Variants in KCNH5 observed in about 807,000 individuals in gnomAD.
KCNH5 encodes potassium voltage-gated channel subfamily H member 5, also known as voltage-gated delayed rectifier potassium channel KCNH5.
A neutral mutation model predicts 96.1 loss-of-function variants in KCNH5; 46 were observed. The observed-to-expected ratio is 0.48, with a 90% CI of 0.38 to 0.61. KCNH5 has a LOEUF of 0.61. Among genes scored for constraint, KCNH5 ranks in the 20% least tolerant of loss-of-function variants. The pLI, the probability that KCNH5 is intolerant of heterozygous loss-of-function variation, is 0.00. For missense variants in KCNH5, 907 were observed against 1,225.8 expected, an observed-to-expected ratio of 0.74 and a Z score of 3.88; for synonymous variants, 439 against 449.8, an observed-to-expected ratio of 0.98 and a Z score of 0.30.
At chr14:62,965,163 A>C (rs1469366831) in intron 6 of KCNH5, among the ~76,000 whole-genome samples, 1 of 152,144 alleles carries the variant, frequency 6.6e-6, no homozygotes, top group African/African-American at 2.4e-5. Flanking sequence ...AGAGAAGAAT[A>C]AATCCTTCTT....
intron 7 of KCNH5, among the ~76,000 whole-genome samples, chr14:62,865,333 TAA>T (rs35939292): frequency 0.17 from 22,118 of 131,920 alleles, 1,799 homozygotes; most frequent in East Asian, 0.28. Flanking sequence ...AAATGCTATT[TAA>T]AAAAAAAAAA....
chr14:62,893,064 T>G (rs919875570), intron 7 of KCNH5, among the ~76,000 whole-genome samples: 4 of 152,224 alleles, frequency 2.6e-5, no homozygotes, highest in Non-Finnish European at 5.9e-5. Context: ...CTATAGCTAG[T>G]GTAGACAGTG....
intron 7 of KCNH5, among the ~76,000 whole-genome samples, chr14:62,889,520 C>T (rs1322790436): frequency 6.6e-6 from 1 of 152,170 alleles, no homozygotes; most frequent in African/African-American, 2.4e-5. Context: ...ATGCAGTAGT[C>T]GAGAGAGCAG....
chr14:62,951,792 C>T (rs1890010569), intron 6 of KCNH5, among the ~76,000 whole-genome samples: 1 of 151,786 alleles, frequency 6.6e-6, no homozygotes, highest in Non-Finnish European at 1.5e-5. Context: ...AAAACCCTGT[C>T]TCTACTAAAA....
At chr14:62,979,987 G>C (rs182316494) in intron 6 of KCNH5, among the ~76,000 whole-genome samples, 1 of 152,182 alleles carries the variant, frequency 6.6e-6, no homozygotes, top group Non-Finnish European at 1.5e-5. Flanking sequence ...GAGGTGATTA[G>C]ATTATGGGGG....
chr14:62,961,828 AGAGATGGAGATG>A (rs1252149043), intron 6 of KCNH5, among the ~76,000 whole-genome samples: 10 of 143,830 alleles, frequency 7.0e-5, no homozygotes, highest in African/African-American at 2.7e-4. Flanking sequence ...AGATGCAGAT[AGAGATGGAGATG>A]GAGATGCAGA....
intron 4 of KCNH5, among the ~76,000 whole-genome samples, chr14:62,989,905 T>C (rs1890778333): frequency 6.6e-6 from 1 of 152,114 alleles, no homozygotes; most frequent in African/African-American, 2.4e-5. Context: ...ATATTAGTCA[T>C]AGGTATATTA....
At chr14:62,890,150 C>A (rs1234069668) in intron 7 of KCNH5, among the ~76,000 whole-genome samples, 13 of 152,086 alleles carry the variant, frequency 8.5e-5, no homozygotes, top group Admixed American at 7.2e-4. Context: ...CTAGGCAATA[C>A]CATCCTGGAC....
intron 7 of KCNH5, among the ~76,000 whole-genome samples, chr14:62,920,999 A>G (rs757600568): frequency 1.3e-5 from 2 of 152,160 alleles, no homozygotes; most frequent in Non-Finnish European, 2.9e-5. Context: ...AGGCAGCACA[A>G]TTAATTTGTC....
At chr14:62,933,548 A>G (rs1005673227) in intron 7 of KCNH5, among the ~76,000 whole-genome samples, 15 of 152,030 alleles carry the variant, frequency 9.9e-5, no homozygotes, top group African/African-American at 3.6e-4. Context: ...ATATAATTTT[A>G]TTTTCATCTT....
chr14:62,777,859 T>TTG (rs56291938), intron 10 of KCNH5, among the ~76,000 whole-genome samples: 5,373 of 147,166 alleles, frequency 0.037, 133 homozygotes, highest in Middle Eastern at 0.086. Context: ...GTATGTGTAT[T>TTG]TGTGTGTGTG....
At chr14:62,753,192 G>A (rs1885541424) in intron 10 of KCNH5, among the ~76,000 whole-genome samples, 1 of 152,074 alleles carries the variant, frequency 6.6e-6, no homozygotes, top group Admixed American at 6.6e-5. Flanking sequence ...TTCTGGTGTT[G>A]AAAAATGCAA....
chr14:63,033,641 A>G (rs1891669589), intron 1 of KCNH5, among the ~76,000 whole-genome samples: 1 of 152,164 alleles, frequency 6.6e-6, no homozygotes, highest in Non-Finnish European at 1.5e-5. Context: ...CTATTTGTTC[A>G]TTACTGTACA....
At chr14:62,729,623 C>T (rs1885008091) in intron 10 of KCNH5, among the ~76,000 whole-genome samples, 1 of 152,142 alleles carries the variant, frequency 6.6e-6, no homozygotes, top group African/African-American at 2.4e-5. Context: ...GAAGGATAAG[C>T]CATAGAGTCA....
At chr14:62,736,986 T>C (rs749588867) in intron 10 of KCNH5, among the ~76,000 whole-genome samples, 6 of 152,170 alleles carry the variant, frequency 3.9e-5, no homozygotes, top group Non-Finnish European at 7.3e-5. Context: ...AGGTCCTTTA[T>C]AGTCATTATT....
chr14:62,866,992 C>T (rs1286488288), intron 7 of KCNH5, among the ~76,000 whole-genome samples: 1 of 152,140 alleles, frequency 6.6e-6, no homozygotes, highest in Non-Finnish European at 1.5e-5. Flanking sequence ...CCAACTTTTA[C>T]TTATAGTTCT....
At chr14:63,001,626 T>C (rs895181116) in intron 3 of KCNH5, among the ~76,000 whole-genome samples, 167 bp from the exon 4 acceptor site, 2 of 152,232 alleles carry the variant, frequency 1.3e-5, no homozygotes, top group Non-Finnish European at 2.9e-5. Flanking sequence ...ACCTTTAATT[T>C]TGTATCAACT....
chr14:62,746,857 C>T (rs1885386099), intron 10 of KCNH5, among the ~76,000 whole-genome samples: 1 of 152,216 alleles, frequency 6.6e-6, no homozygotes, highest in Admixed American at 6.5e-5. Context: ...CTTTCTTCCC[C>T]TATCAGTGGC....
At chr14:62,835,833 T>C (rs1160878681) in intron 8 of KCNH5, among the ~76,000 whole-genome samples, 4 of 152,076 alleles carry the variant, frequency 2.6e-5, no homozygotes, top group African/African-American at 9.6e-5. Flanking sequence ...TTTTTTTGTT[T>C]TACTTTTGCT....
Sources: gnomAD v4.1 joint callset for allele counts (sites outside exome capture counted in the v4.1 genomes callset) on GRCh38, gnomAD v4.1.1 for gene constraint, MANE v1.5 for transcripts, NCBI Gene and HGNC (gene_info 2026-07-23, HGNC 2026-07-21) for gene names.